The following ZMIZ1 variants were observed in gnomAD, a reference collection of about 807,000 sequenced individuals.
ZMIZ1 encodes zinc finger MIZ-type containing 1.
Under a neutral mutation model 113.9 loss-of-function variants are expected in ZMIZ1, and 17 were observed. The ratio of observed to expected loss-of-function variants is 0.15; its 90% CI spans 0.10 to 0.22. The LOEUF is 0.22. Ranked by LOEUF, ZMIZ1 falls within the 10% of genes least tolerant of loss-of-function variation. The pLI is 1.00. For synonymous variants in ZMIZ1, 607 were observed against 603.1 expected, an observed-to-expected ratio of 1.01 and a Z score of -0.09; for missense variants, 1,059 against 1,477.8, an observed-to-expected ratio of 0.72 and a Z score of 4.65.
chr10:79,229,607 G>A (rs190408973), intron 7 of ZMIZ1, among the ~76,000 whole-genome samples: 3 of 152,152 alleles, frequency 2.0e-5, no homozygotes, highest in African/African-American at 4.8e-5. Flanking sequence ...TTATAATGAC[G>A]GCAGAAACTC....
At chr10:79,165,965 T>TGCGCGCGCGCATGCGCGCGCGC (rs1564692738) in intron 4 of ZMIZ1, among the ~76,000 whole-genome samples, 1 of 13,112 alleles carries the variant, frequency 7.6e-5, no homozygotes, top group African/African-American at 5.3e-4. Flanking sequence ...TGTGTGTGTG[T>TGCGCGCGCGCATGCGCGCGCGC]GTGTGTGTGT....
At chr10:79,198,328 A>T (rs919961787) in intron 4 of ZMIZ1, among the ~76,000 whole-genome samples, 1 of 152,188 alleles carries the variant, frequency 6.6e-6, no homozygotes, top group African/African-American at 2.4e-5. Context: ...GAGACTAAAG[A>T]TGTTTGAGTG....
intron 4 of ZMIZ1, among the ~76,000 whole-genome samples, chr10:79,198,793 G>C (rs748517605): frequency 5.3e-4 from 81 of 152,356 alleles, no homozygotes; most frequent in Non-Finnish European, 1.0e-3. Context: ...CAGCACTTTG[G>C]GGGGCCGAGG....
At chr10:79,161,140 G>T (rs560194755) in intron 3 of ZMIZ1, among the ~76,000 whole-genome samples, 256 of 152,314 alleles carry the variant, frequency 1.7e-3, no homozygotes, top group African/African-American at 5.7e-3. Flanking sequence ...CACACTCCCA[G>T]TGCACCCGCA....
intron 2 of ZMIZ1, among the ~76,000 whole-genome samples, chr10:79,130,593 C>G (rs1167284398): frequency 6.6e-6 from 1 of 152,166 alleles, no homozygotes; most frequent in Non-Finnish European, 1.5e-5. Flanking sequence ...ACATGCAGAC[C>G]AAGATGATGG....
At chr10:79,165,945 C>A (rs1846308326) in intron 4 of ZMIZ1, among the ~76,000 whole-genome samples, 1 of 122,972 alleles carries the variant, frequency 8.1e-6, no homozygotes, top group Non-Finnish European at 1.7e-5. Flanking sequence ...AGCCCCAGCT[C>A]AGCTGTGTGT....
chr10:79,126,116 G>A (rs1023575825), intron 2 of ZMIZ1, among the ~76,000 whole-genome samples: 1 of 152,194 alleles, frequency 6.6e-6, no homozygotes, highest in Non-Finnish European at 1.5e-5. Flanking sequence ...TGCTGTGAGA[G>A]GTTCGCCACC....
intron 8 of ZMIZ1, among the ~76,000 whole-genome samples, chr10:79,284,833 A>G (rs1354668080): frequency 6.6e-6 from 1 of 152,132 alleles, no homozygotes; most frequent in Non-Finnish European, 1.5e-5. Context: ...AACCTCAAAA[A>G]GGGGTCCCTG....
Position 79,177,338 on chromosome 10 carries a change from G to A in ZMIZ1, c.-50+15205G>A, listed in dbSNP as rs551377727. 4.6e-5 allele frequency among the ~76,000 whole-genome samples: 7 copies of A among 152,344 alleles called. No homozygotes were observed. In the East Asian group the frequency reaches 1.4e-3, roughly 29 times the overall value. ...TCGCCTCCTGGAGCTGTTCAGGCCAGGCTCCTCGGCCCTGTCTTTGGAGGC... is the reference window on the plus strand; with the variant it reads ...TCGCCTCCTGGAGCTGTTCAGGCCAAGCTCCTCGGCCCTGTCTTTGGAGGC... On this transcript the variant is annotated intron_variant, in intron 4 of 24. Transcript: ENST00000334512.
intron 4 of ZMIZ1, among the ~76,000 whole-genome samples, chr10:79,176,702 G>A (rs1846884647): frequency 6.6e-6 from 1 of 152,222 alleles, no homozygotes; most frequent in Admixed American, 6.5e-5. Context: ...TAGACTGGGA[G>A]AGGTGTGCAG....
intron 6 of ZMIZ1, among the ~76,000 whole-genome samples, chr10:79,212,415 C>T (rs1848563008): frequency 6.6e-6 from 1 of 152,164 alleles, no homozygotes; most frequent in African/African-American, 2.4e-5. Context: ...AAATGATCCT[C>T]CCACCTCAGC....
chr10:79,277,008 C>T (rs1446214037), intron 7 of ZMIZ1, among the ~76,000 whole-genome samples, 173 bp from the exon 8 acceptor site: 2 of 152,144 alleles, frequency 1.3e-5, no homozygotes, highest in Admixed American at 6.5e-5. Flanking sequence ...TCCCATCTTA[C>T]AGTTGAGAAT....
intron 7 of ZMIZ1, among the ~76,000 whole-genome samples, chr10:79,217,238 AC>A (rs772475451): frequency 1.3e-5 from 2 of 152,224 alleles, no homozygotes; most frequent in Non-Finnish European, 2.9e-5. Context: ...CCTGGCTAAC[AC>A]GGTGAAACCC....
chr10:79,096,804 A>G lies in ZMIZ1; in HGVS notation c.-336-22111A>G, dbSNP rs187946243. On this transcript the variant is annotated intron_variant, in intron 1 of 24. Coordinates refer to ENST00000334512, the MANE Select transcript of ZMIZ1 (RefSeq NM_020338.4). Reference sequence around the variant, plus strand: ...TGGGAGCCAAAGAGAGAAACCAGGTAAACAAGACAATCACAATCAAGGACA... The same window carrying G: ...TGGGAGCCAAAGAGAGAAACCAGGTGAACAAGACAATCACAATCAAGGACA... Among the ~76,000 whole-genome samples, 12 of 152,328 alleles carry G rather than the reference A, an allele frequency of 7.9e-5. No individual in the cohort carries two copies. The East Asian group carries it at 2.1e-3, about 27-fold the overall frequency.
intron 4 of ZMIZ1, among the ~76,000 whole-genome samples, chr10:79,179,317 C>T (rs1740518364): frequency 6.6e-6 from 1 of 152,200 alleles, no homozygotes; most frequent in South Asian, 2.1e-4. Context: ...TGTCTGGATC[C>T]CTAGGGACTG....
intron 2 of ZMIZ1, among the ~76,000 whole-genome samples, chr10:79,129,508 G>T (rs1844659152): frequency 6.6e-6 from 1 of 151,686 alleles, no homozygotes; most frequent in Admixed American, 6.6e-5. Context: ...CAGCCAGATT[G>T]TGCCTGCCCA....
chr10:79,147,653 C>A (rs60542581), intron 3 of ZMIZ1, among the ~76,000 whole-genome samples: 6,478 of 152,268 alleles, frequency 0.043, 396 homozygotes, highest in African/African-American at 0.14. Flanking sequence ...CATTGCAAAA[C>A]CCCTGTGATC....
At chr10:79,122,780 G>A (rs922773070) in intron 2 of ZMIZ1, among the ~76,000 whole-genome samples, 3 of 152,192 alleles carry the variant, frequency 2.0e-5, no homozygotes, top group African/African-American at 7.2e-5. Context: ...CTAAGTTCCT[G>A]GGCTGAGGTC....
At chr10:79,214,115 C>T (rs1341862276) in intron 6 of ZMIZ1, among the ~76,000 whole-genome samples, 1 of 152,176 alleles carries the variant, frequency 6.6e-6, no homozygotes, top group Non-Finnish European at 1.5e-5. Context: ...TCTTCCTCCT[C>T]ACTCTCTGGA....
Sources: gnomAD v4.1 joint callset for allele counts (sites outside exome capture counted in the v4.1 genomes callset) on GRCh38, gnomAD v4.1.1 for gene constraint, MANE v1.5 for transcripts, NCBI Gene and HGNC (gene_info 2026-07-23, HGNC 2026-07-21) for gene names.